The following SPIRE1 variants were observed in gnomAD, a reference collection of about 807,000 sequenced individuals.
SPIRE1 encodes the protein protein spire homolog 1.
A neutral mutation model predicts 94.1 loss-of-function variants in SPIRE1; 40 were observed. That is an observed-to-expected ratio of 0.43 (90% CI 0.33 to 0.55). The LOEUF (loss-of-function observed/expected upper bound fraction) is 0.55. SPIRE1 is among the 20% of genes least tolerant of loss of function. SPIRE1 has a pLI of 0.06. For synonymous variants in SPIRE1, 376 were observed against 371.7 expected, an observed-to-expected ratio of 1.01 and a Z score of -0.13; for missense variants, 838 against 975.2, an observed-to-expected ratio of 0.86 and a Z score of 1.87.
At chr18:12,498,550 A>G (rs995066972) in intron 6 of SPIRE1, among the ~76,000 whole-genome samples, 2 of 152,156 alleles carry the variant, frequency 1.3e-5, no homozygotes, top group African/African-American at 4.8e-5. Flanking sequence ...GCCCGGCCCA[A>G]CAAAAAACTT....
At chr18:12,658,592 T>C (rs756252526), upstream of SPIRE1, 1 of 470,806 alleles carries the variant, frequency 2.1e-6, no homozygotes, top group South Asian at 1.6e-5. Context: ...TCGCCGAAGG[T>C]CTGGTTGAAA....
intron 2 of SPIRE1, among the ~76,000 whole-genome samples, chr18:12,606,687 T>C (rs942756365): frequency 6.6e-6 from 1 of 152,134 alleles, no homozygotes; most frequent in Non-Finnish European, 1.5e-5. Flanking sequence ...TGCACCACCA[T>C]GCCCAGCTAA....
chr18:12,555,479 G>A (rs1424055451), intron 2 of SPIRE1, among the ~76,000 whole-genome samples: 1 of 152,144 alleles, frequency 6.6e-6, no homozygotes, highest in Non-Finnish European at 1.5e-5. Flanking sequence ...TCCTAACCAA[G>A]TGGGATTTTT....
chr18:12,568,133 C>T (rs1402670058), intron 2 of SPIRE1, among the ~76,000 whole-genome samples: 3 of 152,332 alleles, frequency 2.0e-5, no homozygotes, highest in East Asian at 1.9e-4. Context: ...GAAGAGTGAT[C>T]GGGGTACTTC....
At chr18:12,657,362 G>A (rs1293543654) in intron 1 of SPIRE1, among the ~76,000 whole-genome samples, 168 bp downstream of exon 1, 1 of 152,178 alleles carries the variant, frequency 6.6e-6, no homozygotes, top group Non-Finnish European at 1.5e-5. Context: ...GGCCAGCCAC[G>A]GCCTGACGCC....
intron 4 of SPIRE1, among the ~76,000 whole-genome samples, chr18:12,534,258 T>C (rs991774072): frequency 2.6e-5 from 4 of 152,140 alleles, no homozygotes; most frequent in African/African-American, 7.2e-5. Context: ...ATTGGGCAAA[T>C]AGTTTAGTTT....
chr18:12,450,919 C>T (rs2031206034), intron 16 of SPIRE1: 7 of 681,894 alleles, frequency 1.0e-5, no homozygotes, highest in Non-Finnish European at 1.9e-5. Flanking sequence ...ATGTTTCTGA[C>T]TATAAGTTGA....
intron 2 of SPIRE1, among the ~76,000 whole-genome samples, chr18:12,577,452 A>G (rs1314224063): frequency 6.6e-6 from 1 of 152,152 alleles, no homozygotes; most frequent in Non-Finnish European, 1.5e-5. Flanking sequence ...TGGCCACTAC[A>G]AAAATTATTT....
chr18:12,618,663 G>A (rs2037378681), intron 2 of SPIRE1, among the ~76,000 whole-genome samples: 1 of 152,004 alleles, frequency 6.6e-6, no homozygotes, highest in South Asian at 2.1e-4. Context: ...CAGTTACAAT[G>A]GGCCAAACCG....
chr18:12,562,086 A>G (rs148731481), intron 2 of SPIRE1, among the ~76,000 whole-genome samples: 90 of 152,318 alleles, frequency 5.9e-4, no homozygotes, highest in African/African-American at 2.1e-3. Flanking sequence ...TAATCAGAAA[A>G]CTAGCATTCA....
At chr18:12,474,951 C>T (rs577950990) in intron 10 of SPIRE1, among the ~76,000 whole-genome samples, 1 of 152,254 alleles carries the variant, frequency 6.6e-6, no homozygotes, top group Non-Finnish European at 1.5e-5. Context: ...TGAGACTGCC[C>T]TTTATTTGTT....
At chr18:12,648,591 T>C (rs568362260) in intron 1 of SPIRE1, among the ~76,000 whole-genome samples, 2 of 151,942 alleles carry the variant, frequency 1.3e-5, no homozygotes, top group East Asian at 3.9e-4. Context: ...ATTTCTGCAA[T>C]AGAAAAAGGA....
chr18:12,647,954 A>G (rs963129535), intron 1 of SPIRE1, among the ~76,000 whole-genome samples: 6 of 152,138 alleles, frequency 3.9e-5, no homozygotes, highest in Non-Finnish European at 8.8e-5. Context: ...CACCAGACAG[A>G]AGGAGGGCTG....
At chr18:12,579,455 A>T (rs2036201225) in intron 2 of SPIRE1, among the ~76,000 whole-genome samples, 3 of 152,174 alleles carry the variant, frequency 2.0e-5, no homozygotes, top group African/African-American at 7.2e-5. Context: ...AGAAGCAGAA[A>T]GTAGATTTAA....
intron 7 of SPIRE1, among the ~76,000 whole-genome samples, chr18:12,495,340 A>G (rs1349956652): frequency 1.3e-5 from 2 of 152,228 alleles, no homozygotes; most frequent in Admixed American, 6.5e-5. Context: ...CATGATAATT[A>G]ACATAGAAAT....
At chr18:12,605,376 C>T (rs372811345) in intron 2 of SPIRE1, among the ~76,000 whole-genome samples, 13 of 152,170 alleles carry the variant, frequency 8.5e-5, no homozygotes, top group African/African-American at 2.9e-4. Context: ...TGTGGTGGCA[C>T]GCACCTGTAG....
chr18:12,617,222 CGAT>C, intron 2 of SPIRE1, among the ~76,000 whole-genome samples: 1 of 146,218 alleles, frequency 6.8e-6, no homozygotes, highest in South Asian at 2.2e-4. Flanking sequence ...TGCAGTGGTG[CGAT>C]CTCAGATCAT....
intron 10 of SPIRE1, among the ~76,000 whole-genome samples, chr18:12,475,862 T>G (rs2032549471): frequency 6.6e-6 from 1 of 152,224 alleles, no homozygotes; most frequent in African/African-American, 2.4e-5. Flanking sequence ...AAGTGTCCAT[T>G]CCAGCACCCA....
chr18:12,535,842 C>A (rs541521295), intron 3 of SPIRE1, among the ~76,000 whole-genome samples: 1 of 152,260 alleles, frequency 6.6e-6, no homozygotes, highest in East Asian at 1.9e-4. Context: ...GTAATCCCAG[C>A]TACTCAGGAA....
Sources: gnomAD v4.1 joint callset for allele counts (sites outside exome capture counted in the v4.1 genomes callset) on GRCh38, gnomAD v4.1.1 for gene constraint, MANE v1.5 for transcripts, NCBI Gene and HGNC (gene_info 2026-07-23, HGNC 2026-07-21) for gene names.